Variants in ERV3-1 observed in about 807,000 individuals in gnomAD.
ERV3-1 encodes the protein endogenous retrovirus group 3 member 1, envelope, also known as endogenous retrovirus group 3 member 1 Env polyprotein.
Under a neutral mutation model 24.6 loss-of-function variants are expected in ERV3-1, and 36 were observed. That is an observed-to-expected ratio of 1.47 (90% CI 1.12 to 1.94). The LOEUF is 1.94. ERV3-1 is among the 30% of genes most tolerant of loss of function. ERV3-1 has a pLI of 0.00. For missense variants in ERV3-1, 578 were observed against 330.9 expected, an observed-to-expected ratio of 1.75 and a Z score of -5.79; for synonymous variants, 211 against 122.6, an observed-to-expected ratio of 1.72 and a Z score of -4.76.
rs775189384 is a variant in ERV3-1 at position 64,993,002 on chromosome 7, T to C, written c.25A>G (p.Ile9Val). Residue 9 changes from isoleucine (I) to valine (V), a missense_variant, in exon 2 of 2, where the codon ATC (isoleucine) becomes GTC (valine). By Grantham distance (29) the Ile-to-Val change is conservative (BLOSUM62 3). Transcript: ENST00000394323. ...AAGGGGAGTAGCAAGAACAAAGTGATGAGTAGCATGTTCATACCCAGCATG... is the reference window on the plus strand; with the variant it reads ...AAGGGGAGTAGCAAGAACAAAGTGACGAGTAGCATGTTCATACCCAGCATG... MLGMNMLLITLFLLLPLSM... is the reference protein window; with the variant it reads MLGMNMLLVTLFLLLPLSM... 1.7e-5 allele frequency: 13 copies of C among 763,184 alleles called. No homozygotes were observed. The highest frequency in any genetic ancestry group is 2.7e-5 in the South Asian group (2 of 74,510). The allele number at this position is 763,184 out of a possible 1,614,324, so 47.3% of individuals were successfully genotyped here. A position where few individuals can be genotyped will look rare whatever the true frequency, so the allele number is the denominator to read the frequency against.
At position 64,992,142 on chromosome 7, in the gene ERV3-1, A is replaced by C. The variant is rs750356316; in HGVS notation, c.885T>G (p.Cys295Trp). ...ATTGGTCTCCCATGTTCATTCCCCC[A>C]CAGACATAACATGAAGCAACGTGCA... ...SSLHVASCYVCGGMNMGDQWP... is the reference protein window; with the variant it reads ...SSLHVASCYVWGGMNMGDQWP... Residue 295 changes from cysteine (C) to tryptophan (W), a missense_variant, in exon 2 of 2, where the codon TGT becomes TGG. Physicochemically the swap from Cys to Trp is radical, Grantham distance 215. Transcript: ENST00000394323. The C allele has an allele frequency of 5.2e-6, 4 of 766,326 alleles. No individual in the cohort carries two copies. The highest frequency in any genetic ancestry group is 2.4e-5 in the East Asian group (1 of 41,224). 47.5% of individuals were successfully genotyped at this position (766,326 alleles called of 1,614,324 possible). A position where few individuals can be genotyped will look rare whatever the true frequency, so the allele number is the denominator to read the frequency against.
At chr7:64,999,490 C>T (rs889941804) in intron 1 of ERV3-1, among the ~76,000 whole-genome samples, 9 of 152,114 alleles carry the variant, frequency 5.9e-5, no homozygotes, top group Non-Finnish European at 7.3e-5. Flanking sequence ...CCAACAGGGG[C>T]GGGTCAGGTT....
rs780008223 is a variant in ERV3-1, at chr7:64,992,534, A to T, written c.493T>A (p.Cys165Ser). The change falls in exon 2 of 2, where the codon TGC becomes AGC. Residue 165 changes from cysteine (C) to serine (S), a missense_variant. By Grantham distance (112) the Cys-to-Ser change is moderately radical (BLOSUM62 -1). Transcript: ENST00000394323. ...ACSTDSPVTT[C>S]WDCTTWSTNQ... is the part of the protein sequence containing the mutation. The stretch of plus-strand genomic sequence containing the variant: ...GTGGACCACGTTGTGCAGTCCCAGC[A>T]AGTTGTTACTGGGGAATCGGTGGAA... The T allele has an allele frequency of 1.3e-6, 1 of 766,372 alleles. No homozygotes were observed. Among genetic ancestry groups the T allele is most frequent in the South Asian group, 1.3e-5 (1 of 74,622 alleles). 47.5% of individuals were successfully genotyped at this position (766,372 alleles called of 1,614,324 possible).
chr7:64,995,426 T>G lies in ERV3-1; in HGVS notation c.-388-2012A>C, dbSNP rs550512166. On this transcript the variant is annotated intron_variant, in intron 1 of 1. Coordinates refer to ENST00000394323, the MANE Select transcript of ERV3-1 (RefSeq NM_001007253.4). ...AAGGCTTAGTAGTATCTGGCAGTCC[T>G]AAGGCTGGAGCCTGAGTTAGGGCTT... is the stretch of plus-strand genomic sequence containing the variant. Among the ~76,000 whole-genome samples, 3 of 152,360 alleles carry G rather than the reference T, an allele frequency of 2.0e-5. No individual in the cohort carries two copies. The South Asian group carries it at 6.2e-4, about 32-fold the overall frequency.
At chr7:64,993,670 T>C (rs567932329) in intron 1 of ERV3-1, among the ~76,000 whole-genome samples, 7 of 151,912 alleles carry the variant, frequency 4.6e-5, no homozygotes, top group African/African-American at 1.7e-4. Flanking sequence ...TGACTTATGA[T>C]TGGGGATGGC....
chr7:65,006,476 C>T (rs1050199115), intron 1 of ERV3-1, 65 bp downstream of exon 1: 15 of 1,556,676 alleles, frequency 9.6e-6, no homozygotes, highest in South Asian at 2.2e-5. Context: ...CCCGCCACAG[C>T]CACTTCCCAC....
intron 1 of ERV3-1, among the ~76,000 whole-genome samples, chr7:64,994,984 G>A (rs901387145): frequency 5.9e-5 from 9 of 152,342 alleles, no homozygotes; most frequent in East Asian, 1.9e-4. Flanking sequence ...AGGTCTCCTC[G>A]ACTGGAGAAT....
Position 64,993,236 on chromosome 7 carries a change from G to A in ERV3-1, c.-210C>T. On this transcript the variant is annotated 5_prime_UTR_variant, in exon 2 of 2. Coordinates refer to ENST00000394323, the MANE Select transcript of ERV3-1 (RefSeq NM_001007253.4). Reference sequence around the variant, plus strand: ...TGTTGTCTCCTCAAGCTTCAGCCGTGTGTGGACTGGTCAGCTTCCGGAGTG... The same window carrying A: ...TGTTGTCTCCTCAAGCTTCAGCCGTATGTGGACTGGTCAGCTTCCGGAGTG... 1 of 564,048 alleles carries A rather than the reference G, an allele frequency of 1.8e-6. No homozygotes were observed. Among genetic ancestry groups the A allele is most frequent in the Non-Finnish European group, 3.2e-6 (1 of 316,366 alleles). The allele number at this position is 564,048 out of a possible 1,614,324, so 34.9% of individuals were successfully genotyped here.
chr7:64,991,719 G>C lies in ERV3-1; in HGVS notation c.1308C>G (p.Ala436=). The C allele has an allele frequency of 1.3e-6, 1 of 762,666 alleles. No individual in the cohort carries two copies. Among genetic ancestry groups the C allele is most frequent in the Non-Finnish European group, 2.4e-6 (1 of 416,366 alleles). The allele number at this position is 762,666 out of a possible 1,614,324, so 47.2% of individuals were successfully genotyped here. The change falls in exon 2 of 2, where the codon GCC becomes GCG. Residue 436 remains alanine (A), a synonymous_variant. Coordinates refer to ENST00000394323, the MANE Select transcript of ERV3-1 (RefSeq NM_001007253.4). The part of the protein sequence containing the change: ...YRQLPAKWSG[A]CVLGTIRPSF... ...ACGGCCTAATTGTCCCCAGTACACA[G>C]GCCCCTGACCATTTAGCTGGCAGTT... is the stretch of plus-strand genomic sequence containing the variant.
At chr7:64,997,346 C>G (rs184834835) in intron 1 of ERV3-1, among the ~76,000 whole-genome samples, 2 of 152,182 alleles carry the variant, frequency 1.3e-5, no homozygotes, top group Non-Finnish European at 2.9e-5. Context: ...CTGATGTCTC[C>G]CTGGGCCTGT....
chr7:64,994,594 T>C (rs1786361353), intron 1 of ERV3-1, among the ~76,000 whole-genome samples: 1 of 152,230 alleles, frequency 6.6e-6, no homozygotes, highest in South Asian at 2.1e-4. Flanking sequence ...TGGTGTCCCC[T>C]GCAGTGCATA....
chr7:64,994,861 C>A (rs533518928), intron 1 of ERV3-1, among the ~76,000 whole-genome samples: 1 of 152,266 alleles, frequency 6.6e-6, no homozygotes, highest in East Asian at 1.9e-4. Flanking sequence ...TACGCCTCCA[C>A]CACTGAGTCT....
Position 64,993,186 on chromosome 7 carries a change from G to C in ERV3-1, c.-160C>G, listed in dbSNP as rs1216551076. The C allele has an allele frequency of 1.0e-5, 6 of 594,316 alleles. No individual in the cohort carries two copies. Among genetic ancestry groups the C allele is most frequent in the Non-Finnish European group, 1.8e-5 (6 of 334,662 alleles). The allele number at this position is 594,316 out of a possible 1,614,324, so 36.8% of individuals were successfully genotyped here. A position where few individuals can be genotyped will look rare whatever the true frequency, so the allele number is the denominator to read the frequency against. ...GCTTCGGCCGTGCATAGACTAGTCA[G>C]CTTCTGGGGTGACTAGAGCAGGGCT... On this transcript the variant is annotated 5_prime_UTR_variant, in exon 2 of 2. Transcript: ENST00000394323.
At chr7:64,999,734 T>C (rs1211698649) in intron 1 of ERV3-1, among the ~76,000 whole-genome samples, 1 of 152,164 alleles carries the variant, frequency 6.6e-6, no homozygotes, top group Non-Finnish European at 1.5e-5. Flanking sequence ...AATAATGGTA[T>C]GGGGAAAGAA....
At chr7:64,995,194 T>G (rs1036296031) in intron 1 of ERV3-1, among the ~76,000 whole-genome samples, 1 of 152,226 alleles carries the variant, frequency 6.6e-6, no homozygotes, top group African/African-American at 2.4e-5. Context: ...ATGTGGTACC[T>G]GGATGGTCAA....
Position 64,992,797 on chromosome 7 carries a change from T to G in ERV3-1, c.230A>C (p.Gln77Pro). 1.3e-6 allele frequency: 1 copy of G among 766,460 alleles called. No homozygotes were observed. The highest frequency in any genetic ancestry group is 2.4e-6 in the Non-Finnish European group (1 of 417,914). The allele number at this position is 766,460 out of a possible 1,614,324, so 47.5% of individuals were successfully genotyped here. A position where few individuals can be genotyped will look rare whatever the true frequency, so the allele number is the denominator to read the frequency against. ...TYSVCDPGRG[Q>P]PYVCYDPKSS... The stretch of plus-strand genomic sequence containing the variant: ...CTTAGGGTCATAACACACATAAGGC[T>G]GGCCCCTTCCTGGGTCACAGACTGA... The change falls in exon 2 of 2, where the codon CAG (glutamine) becomes CCG (proline). Residue 77 changes from glutamine to proline, a missense_variant. Gln to Pro is a moderately conservative substitution (Grantham distance 76). Coordinates refer to ENST00000394323, the MANE Select transcript of ERV3-1 (RefSeq NM_001007253.4).
intron 1 of ERV3-1, among the ~76,000 whole-genome samples, chr7:64,994,083 C>T (rs892842890): frequency 4.0e-5 from 6 of 151,814 alleles, no homozygotes; most frequent in African/African-American, 9.7e-5. Context: ...TAACATGTAC[C>T]GATAGCTCCC....
chr7:64,996,653 T>C (rs1467315412), intron 1 of ERV3-1, among the ~76,000 whole-genome samples: 5 of 152,294 alleles, frequency 3.3e-5, no homozygotes, highest in Non-Finnish European at 5.9e-5. Flanking sequence ...CACTGGATAA[T>C]TGGGGAGATA....
At position 64,990,966 on chromosome 7, in the gene ERV3-1, A is replaced by G. The variant is rs926036685; in HGVS notation, c.*246T>C. On this transcript the variant is annotated 3_prime_UTR_variant, in exon 2 of 2. Coordinates refer to ENST00000394323, the MANE Select transcript of ERV3-1 (RefSeq NM_001007253.4). ...GTAAAGTTTAAGAGAAAGCATCACTATCTTCATTTACTTCAAGAGGAAGTA... is the reference window on the plus strand; with the variant it reads ...GTAAAGTTTAAGAGAAAGCATCACTGTCTTCATTTACTTCAAGAGGAAGTA... The G allele has an allele frequency of 2.8e-6, 1 of 357,522 alleles. No individual in the cohort carries two copies. Among genetic ancestry groups the G allele is most frequent in the African/African-American group, 2.1e-5 (1 of 47,868 alleles). The allele number at this position is 357,522 out of a possible 1,614,324, so 22.1% of individuals were successfully genotyped here. A position where few individuals can be genotyped will look rare whatever the true frequency, so the allele number is the denominator to read the frequency against.
Sources: gnomAD v4.1 joint callset for allele counts (sites outside exome capture counted in the v4.1 genomes callset) on GRCh38, gnomAD v4.1.1 for gene constraint, MANE v1.5 for transcripts, NCBI Gene and HGNC (gene_info 2026-07-23, HGNC 2026-07-21) for gene names.